NDUFAF2: variants seen among roughly 807,000 people sequenced by gnomAD.
NDUFAF2 encodes the protein NADH:ubiquinone oxidoreductase complex assembly factor 2.
A neutral mutation model predicts 22.8 loss-of-function variants in NDUFAF2; 13 were observed. The ratio of observed to expected loss-of-function variants is 0.57; its 90% CI spans 0.37 to 0.91. The LOEUF (loss-of-function observed/expected upper bound fraction) is 0.91. Among genes scored for constraint, NDUFAF2 ranks in the 40% least tolerant of loss-of-function variants. The probability of loss-of-function intolerance (pLI) is 0.01; values close to 1 mark genes in which losing one functional copy is unlikely to be tolerated. For synonymous variants in NDUFAF2, 53 were observed against 64.2 expected (o/e 0.83, Z 0.84); for missense variants, 162 against 195.2 (o/e 0.83, Z 1.01).
chr5:61,000,325 T>C (rs1751280258), intron 1 of NDUFAF2, among the ~76,000 whole-genome samples: 1 of 152,118 alleles, frequency 6.6e-6, no homozygotes, highest in Non-Finnish European at 1.5e-5. Context: ...TTTCAGGCTT[T>C]ACACTTAGAG....
chr5:61,152,647 T>TA lies in NDUFAF2; in HGVS notation c.259-52dup, dbSNP rs575894935. The TA allele has an allele frequency of 1.0e-4, 129 of 1,280,150 alleles. No individual in the cohort carries two copies. The African/African-American group carries it at 1.8e-3, about 18-fold the overall frequency. 79.3% of individuals were successfully genotyped at this position (1,280,150 alleles called of 1,614,324 possible). A position where few individuals can be genotyped will look rare whatever the true frequency, so the allele number is the denominator to read the frequency against. On this transcript the variant is annotated intron_variant, in intron 3 of 3. Transcript: ENST00000296597. ...ATTTTATTTTTATTGGCTATTTTTA[T>TA]AAAAACTTTTTTTAACTAGAAATTT...
chr5:60,956,829 C>A (rs1252914104), intron 1 of NDUFAF2, among the ~76,000 whole-genome samples: 1 of 151,916 alleles, frequency 6.6e-6, no homozygotes, highest in Non-Finnish European at 1.5e-5. Flanking sequence ...TATCAGTGTG[C>A]CAAACATTAT....
At chr5:61,092,804 G>A (rs2111758097) in intron 2 of NDUFAF2, among the ~76,000 whole-genome samples, 1 of 152,016 alleles carries the variant, frequency 6.6e-6, no homozygotes, top group East Asian at 1.9e-4. Context: ...CAAGGGAATT[G>A]TATTAGTCAG....
At chr5:61,055,658 G>A (rs1327585550) in intron 1 of NDUFAF2, among the ~76,000 whole-genome samples, 1 of 152,150 alleles carries the variant, frequency 6.6e-6, no homozygotes, top group East Asian at 1.9e-4. Context: ...AAAGCAAAGG[G>A]GGAAGATGTG....
chr5:61,076,018 C>T (rs896011610), intron 2 of NDUFAF2, among the ~76,000 whole-genome samples: 3 of 151,970 alleles, frequency 2.0e-5, no homozygotes, highest in African/African-American at 7.2e-5. Flanking sequence ...TGTTAATGGC[C>T]ACAGAAAATA....
At chr5:61,060,267 C>T (rs1458964485) in intron 1 of NDUFAF2, among the ~76,000 whole-genome samples, 1 of 152,076 alleles carries the variant, frequency 6.6e-6, no homozygotes, top group Non-Finnish European at 1.5e-5. Context: ...AAATGGCTTT[C>T]AGTATAAGAA....
intron 1 of NDUFAF2, among the ~76,000 whole-genome samples, chr5:61,071,415 A>G (rs1352496171): frequency 2.0e-5 from 3 of 152,184 alleles, no homozygotes; most frequent in Non-Finnish European, 4.4e-5. Flanking sequence ...TTCACTTAAT[A>G]TTACTAAGAT....
chr5:61,147,437 C>CTTTTTTTTTTTTTTTTTTTTTTTTT (rs1240336890), intron 3 of NDUFAF2, among the ~76,000 whole-genome samples: 9 of 84,740 alleles, frequency 1.1e-4, no homozygotes, highest in Non-Finnish European at 1.8e-4. Flanking sequence ...TTTTTTCTTT[C>CTTTTTTTTTTTTTTTTTTTTTTTTT]TTTTTTTTTT....
chr5:61,028,292 G>A (rs1018143144), intron 1 of NDUFAF2, among the ~76,000 whole-genome samples: 9 of 151,816 alleles, frequency 5.9e-5, no homozygotes, highest in South Asian at 2.1e-4. Context: ...ATTTGTTTTC[G>A]ACTTATCCCC....
intron 1 of NDUFAF2, among the ~76,000 whole-genome samples, chr5:61,024,430 A>T (rs920668092): frequency 6.6e-6 from 1 of 152,078 alleles, no homozygotes; most frequent in African/African-American, 2.4e-5. Context: ...TTTAGGCCTC[A>T]TATATGTTAA....
intron 1 of NDUFAF2, among the ~76,000 whole-genome samples, chr5:60,975,211 T>A (rs1750886884): frequency 6.6e-6 from 1 of 152,150 alleles, no homozygotes; most frequent in Non-Finnish European, 1.5e-5. Flanking sequence ...TATAATTTAT[T>A]TTTTTAAGGA....
At chr5:61,078,256 G>T (rs1752394085) in intron 2 of NDUFAF2, among the ~76,000 whole-genome samples, 1 of 122,868 alleles carries the variant, frequency 8.1e-6, no homozygotes, top group African/African-American at 2.8e-5. Context: ...GTATTCTCAG[G>T]GCCTAGCTCA....
chr5:61,147,654 T>G (rs985829696), intron 3 of NDUFAF2, among the ~76,000 whole-genome samples: 1 of 152,078 alleles, frequency 6.6e-6, no homozygotes, highest in Admixed American at 6.5e-5. Flanking sequence ...TGGAAATGTT[T>G]TATAACTGTA....
At chr5:61,049,427 A>T (rs1751995164) in intron 1 of NDUFAF2, among the ~76,000 whole-genome samples, 1 of 152,150 alleles carries the variant, frequency 6.6e-6, no homozygotes, top group Non-Finnish European at 1.5e-5. Flanking sequence ...GTAGTTTGTG[A>T]ATTTTTATTT....
intron 3 of NDUFAF2, among the ~76,000 whole-genome samples, chr5:61,132,410 T>A (rs1753123632): frequency 6.6e-6 from 1 of 151,930 alleles, no homozygotes. Context: ...CTCCCCCACC[T>A]CCTTTGAGAA....
intron 1 of NDUFAF2, among the ~76,000 whole-genome samples, chr5:60,979,406 G>T (rs1296637563): frequency 1.3e-5 from 2 of 152,148 alleles, no homozygotes; most frequent in East Asian, 3.9e-4. Context: ...TTCTGGATCT[G>T]CCCTGGGCCA....
chr5:61,146,575 T>C (rs1227616397), intron 3 of NDUFAF2, among the ~76,000 whole-genome samples: 2 of 152,222 alleles, frequency 1.3e-5, no homozygotes, highest in Non-Finnish European at 2.9e-5. Context: ...CTCAGTGTTA[T>C]TTCTTATCTT....
intron 2 of NDUFAF2, among the ~76,000 whole-genome samples, chr5:61,095,982 A>G (rs772974793): frequency 2.6e-5 from 4 of 152,136 alleles, no homozygotes; most frequent in Non-Finnish European, 5.9e-5. Flanking sequence ...AGCTGTTTCT[A>G]GTCGTCCATC....
At position 61,008,862 on chromosome 5, in the gene NDUFAF2, G is replaced by A. The variant is rs367828179; in HGVS notation, c.127+63480G>A. ...ACTAGGGCCTTGAAGGATGAGGTTT[G>A]CTTTTGTAGCATCCAAGGCTTTTTA... On this transcript the variant is annotated intron_variant, in intron 1 of 3. Transcript: ENST00000296597. Among the ~76,000 whole-genome samples, 357 of 152,150 alleles carry A rather than the reference G, an allele frequency of 2.3e-3. 1 individual carries two copies. The highest frequency in any genetic ancestry group is 0.017 in the Middle Eastern group (5 of 294).
Sources: gnomAD v4.1 joint callset for allele counts (sites outside exome capture counted in the v4.1 genomes callset) on GRCh38, gnomAD v4.1.1 for gene constraint, MANE v1.5 for transcripts, NCBI Gene and HGNC (gene_info 2026-07-23, HGNC 2026-07-21) for gene names.